The following DMXL1 variants were observed in gnomAD, a reference collection of about 807,000 sequenced individuals.
DMXL1 encodes the protein dmX-like protein 1.
A neutral mutation model predicts 319.2 loss-of-function variants in DMXL1; 99 were observed. The observed-to-expected ratio is 0.31, with a 90% confidence interval of 0.26 to 0.37. DMXL1 has a LOEUF of 0.37. Among genes scored for constraint, DMXL1 ranks in the 10% least tolerant of loss-of-function variants. The probability of loss-of-function intolerance (pLI) is 1.00; values close to 1 mark genes in which losing one functional copy is unlikely to be tolerated. For missense variants in DMXL1, 3,745 were observed against 3,595.6 expected (o/e 1.04, Z -1.06); for synonymous variants, 1,385 against 1,235.2 (o/e 1.12, Z -2.54).
chr5:119,143,905 T>C lies in DMXL1; in HGVS notation c.2441T>C (p.Ile814Thr). 6.3e-7 allele frequency: 1 copy of C among 1,586,268 alleles called. No homozygotes were observed. The highest frequency in any genetic ancestry group is 1.8e-5 in the Admixed American group (1 of 56,706). Reference protein sequence around the residue: ...QQSTARPGCIIALDPITKLHG... With the variant: ...QQSTARPGCITALDPITKLHG... The stretch of plus-strand genomic sequence containing the variant: ...TCAACAGCCAGGCCAGGATGCATTA[T>C]TGCATTAGATCCCATTACCAAACTT... Residue 814 changes from isoleucine (I) to threonine (T), a missense_variant, in exon 14 of 44, where the codon ATT becomes ACT. By Grantham distance (89) the Ile-to-Thr change is moderately conservative. Transcript: ENST00000539542.
chr5:119,119,812 A>G (rs1167036803), intron 8 of DMXL1, among the ~76,000 whole-genome samples: 2 of 151,476 alleles, frequency 1.3e-5, no homozygotes, highest in South Asian at 2.1e-4. Context: ...CGCTCGGCCT[A>G]TTATTTTCTT....
intron 28 of DMXL1, among the ~76,000 whole-genome samples, chr5:119,181,554 G>T (rs570551371): frequency 6.6e-6 from 1 of 152,324 alleles, no homozygotes; most frequent in Admixed American, 6.5e-5. Context: ...GGATGTGGTG[G>T]CTCACACCTG....
chr5:119,195,725 T>A (rs1234674300), intron 30 of DMXL1, among the ~76,000 whole-genome samples: 3 of 152,160 alleles, frequency 2.0e-5, no homozygotes, highest in African/African-American at 7.2e-5. Context: ...AATGGTAAAT[T>A]TTATGTTTTT....
At chr5:119,104,101 C>A (rs762870812) in intron 3 of DMXL1, 36 of 150,438 alleles carry the variant, frequency 2.4e-4, no homozygotes, top group Non-Finnish European at 5.1e-4. Context: ...AAAATATATT[C>A]TTTCCTTTTC....
intron 19 of DMXL1, among the ~76,000 whole-genome samples, chr5:119,163,917 G>T (rs1368941799): frequency 6.6e-6 from 1 of 151,806 alleles, no homozygotes; most frequent in Non-Finnish European, 1.5e-5. Context: ...TCACCATGTT[G>T]GCCAGACTGG....
At position 119,071,113 on chromosome 5, in the gene DMXL1, C is replaced by G; in HGVS notation, c.-457C>G. 5.4e-6 allele frequency: 1 copy of G among 185,722 alleles called. No individual in the cohort carries two copies. Among genetic ancestry groups the G allele is most frequent in the Non-Finnish European group, 1.1e-5 (1 of 87,894 alleles). The allele number at this position is 185,722 out of a possible 1,614,324, so 11.5% of individuals were successfully genotyped here. On this transcript the variant is annotated 5_prime_UTR_variant, in exon 1 of 44. Coordinates refer to ENST00000539542, the MANE Select transcript of DMXL1 (RefSeq NM_001290321.3). ...GAGGCGCGTAGTGAGTGGCGGAGGACTGTGGGGGTGGCGGGCACCGGAGCC... is the reference window on the plus strand; with the variant it reads ...GAGGCGCGTAGTGAGTGGCGGAGGAGTGTGGGGGTGGCGGGCACCGGAGCC...
At chr5:119,212,739 C>T (rs1015981900) in intron 34 of DMXL1, among the ~76,000 whole-genome samples, 2 of 152,028 alleles carry the variant, frequency 1.3e-5, no homozygotes, top group Non-Finnish European at 2.9e-5. Context: ...CTTTTAAGAC[C>T]ATATTCATTG....
Position 119,142,788 on chromosome 5 carries a change from A to C in DMXL1, c.2377-1053A>C, listed in dbSNP as rs149779363. On this transcript the variant is annotated intron_variant, in intron 13 of 43. Transcript: ENST00000539542. ...ATAGCAAAGACATAGAATCAACCCA[A>C]ATGCCCATGAGTGACAGATTGGATT... Among the ~76,000 whole-genome samples the C allele has an allele frequency of 2.6e-5, 4 of 152,244 alleles. No homozygotes were observed. The East Asian group carries it at 7.7e-4, about 29-fold the overall frequency.
intron 9 of DMXL1, among the ~76,000 whole-genome samples, chr5:119,125,570 T>C (rs572139378): frequency 1.7e-3 from 256 of 152,276 alleles, no homozygotes; most frequent in Middle Eastern, 6.8e-3. Flanking sequence ...TTATTATTAT[T>C]GTTATTATTT....
intron 6 of DMXL1, among the ~76,000 whole-genome samples, chr5:119,115,830 T>C (rs1760723170): frequency 6.6e-6 from 1 of 152,238 alleles, no homozygotes; most frequent in Non-Finnish European, 1.5e-5. Flanking sequence ...TGTTGATTAC[T>C]TATTTAATAT....
rs1489351043 is a variant in DMXL1, at chr5:119,082,016, TATATACACACAC to T, written c.87+10362_87+10373del. On this transcript the variant is annotated intron_variant, in intron 1 of 43. Coordinates refer to ENST00000539542, the MANE Select transcript of DMXL1 (RefSeq NM_001290321.3). Reference sequence around the variant, plus strand: ...TTAAGGTTATATATATATATATATATATATACACACACACACACACACACACACACACACACA... The same window carrying T: ...TTAAGGTTATATATATATATATATATACACACACACACACACACACACACA... 3.6e-4 allele frequency among the ~76,000 whole-genome samples: 28 copies of T among 78,718 alleles called. No individual in the cohort carries two copies. In the East Asian group the frequency reaches 6.5e-3, roughly 18 times the overall value. 51.6% of individuals were successfully genotyped at this position (78,718 alleles called of 152,430 possible). A position where few individuals can be genotyped will look rare whatever the true frequency, so the allele number is the denominator to read the frequency against.
intron 19 of DMXL1, among the ~76,000 whole-genome samples, chr5:119,157,030 C>T (rs1386968689): frequency 6.6e-6 from 1 of 150,376 alleles, no homozygotes; most frequent in Non-Finnish European, 1.5e-5. Flanking sequence ...TTTTTTTTCC[C>T]CCAAGAGTTG....
At chr5:119,230,355 A>G (rs1045099079) in intron 38 of DMXL1, among the ~76,000 whole-genome samples, 1 of 152,206 alleles carries the variant, frequency 6.6e-6, no homozygotes, top group Non-Finnish European at 1.5e-5. Flanking sequence ...GTCTGTTTCT[A>G]TCTTTCTAAA....
At chr5:119,246,526 T>C (rs1293425695) in intron 43 of DMXL1, among the ~76,000 whole-genome samples, 1 of 152,198 alleles carries the variant, frequency 6.6e-6, no homozygotes, top group Non-Finnish European at 1.5e-5. Context: ...AATCAAGGTG[T>C]TATGATCCTA....
chr5:119,194,623 T>C (rs1296598044), intron 30 of DMXL1, among the ~76,000 whole-genome samples: 1 of 152,240 alleles, frequency 6.6e-6, no homozygotes, highest in Non-Finnish European at 1.5e-5. Context: ...CATTCTTTAT[T>C]TGAAAGTTAC....
chr5:119,075,992 T>TTTTTTC (rs1450652320), intron 1 of DMXL1, among the ~76,000 whole-genome samples: 1 of 152,358 alleles, frequency 6.6e-6, no homozygotes, highest in Non-Finnish European at 1.5e-5. Flanking sequence ...ATGATACTTT[T>TTTTTTC]TTTTTCTTTT....
intron 18 of DMXL1, among the ~76,000 whole-genome samples, chr5:119,150,737 A>G (rs568908682): frequency 3.1e-4 from 47 of 152,054 alleles, no homozygotes; most frequent in African/African-American, 1.1e-3. Flanking sequence ...CTGGCAGTGA[A>G]CTGATTGTGC....
rs572991031 is a variant in DMXL1 at position 119,165,133 on chromosome 5, T to A, written c.4873-50T>A. On this transcript the variant is annotated intron_variant, in intron 20 of 43. Coordinates refer to ENST00000539542, the MANE Select transcript of DMXL1 (RefSeq NM_001290321.3). ...CAGCCTTTCATATGAAAGAAATTAC[T>A]TGTTCAAAACTGTTTCTGTGAAATT... The A allele has an allele frequency of 1.8e-6, 2 of 1,140,642 alleles. 1 individual carries two copies. The highest frequency in any genetic ancestry group is 2.6e-6 in the Non-Finnish European group (2 of 774,074). 70.7% of individuals were successfully genotyped at this position (1,140,642 alleles called of 1,614,324 possible). A position where few individuals can be genotyped will look rare whatever the true frequency, so the allele number is the denominator to read the frequency against.
At chr5:119,117,718 G>A (rs1377810575) in intron 7 of DMXL1, among the ~76,000 whole-genome samples, 1 of 152,074 alleles carries the variant, frequency 6.6e-6, no homozygotes, top group Non-Finnish European at 1.5e-5. Flanking sequence ...GACAGAAAGA[G>A]GAGAGGGCGC....
Sources: gnomAD v4.1 joint callset for allele counts (sites outside exome capture counted in the v4.1 genomes callset) on GRCh38, gnomAD v4.1.1 for gene constraint, MANE v1.5 for transcripts, NCBI Gene and HGNC (gene_info 2026-07-23, HGNC 2026-07-21) for gene names.